Variants in ITIH4 observed in about 807,000 individuals in gnomAD.
ITIH4 encodes inter-alpha-trypsin inhibitor heavy chain 4.
A neutral mutation model predicts 111.8 loss-of-function variants in ITIH4; 79 were observed. The ratio of observed to expected loss-of-function variants is 0.71; its 90% CI spans 0.59 to 0.85. The LOEUF is 0.85. Among genes scored for constraint, ITIH4 ranks in the 40% least tolerant of loss-of-function variants. The probability of loss-of-function intolerance (pLI) is 0.00; values close to 1 mark genes in which losing one functional copy is unlikely to be tolerated. For synonymous variants in ITIH4, 472 were observed against 468.3 expected (o/e 1.01, Z -0.10); for missense variants, 1,065 against 1,195.8 (o/e 0.89, Z 1.61).
intron 17 of ITIH4, 105 bp from the exon 18 acceptor site, chr3:52,818,641 T>A: frequency 1.1e-6 from 1 of 884,720 alleles, no homozygotes; most frequent in South Asian, 1.5e-5. Flanking sequence ...CTGCCACACA[T>A]ACACTCCACC....
In ITIH4 at chr3:52,825,928, GATA is replaced by G. The variant is rs764005424; in HGVS notation, c.714_716del (p.Ile239del). 6.2e-7 allele frequency: 1 copy of G among 1,614,166 alleles called. No individual in the cohort carries two copies. The highest frequency in any genetic ancestry group is 8.5e-7 in the Non-Finnish European group (1 of 1,180,014). ...AGATGGCCCGGTCCACATCATAGCG[GATA>G]ATGAGGTTGCCGTCCAGGACTGTTT... On this transcript the variant is annotated inframe_deletion, in exon 6 of 24. Coordinates refer to ENST00000266041, the MANE Select transcript of ITIH4 (RefSeq NM_002218.5).
chr3:52,814,925 A>T (rs537502239), intron 21 of ITIH4, among the ~76,000 whole-genome samples: 1 of 152,282 alleles, frequency 6.6e-6, no homozygotes, highest in South Asian at 2.1e-4. Context: ...TTAATTTTAT[A>T]TGATTGAAGG....
At chr3:52,827,298 A>T (rs1478977105) in intron 2 of ITIH4, 101 bp from the exon 3 acceptor site, 2 of 899,354 alleles carry the variant, frequency 2.2e-6, no homozygotes, top group African/African-American at 3.3e-5. Context: ...GTGCCTCTTG[A>T]CACAGTGACT....
In ITIH4 at chr3:52,823,909, A is replaced by C; in HGVS notation, c.1267T>G (p.Tyr423Asp). Reference sequence around the variant, plus strand: ...AGTGCCAGCTTCTCCAGGAAGGCATAGCTGACGTCGAAACCGAAGCCCAGG... The same window carrying C: ...AGTGCCAGCTTCTCCAGGAAGGCATCGCTGACGTCGAAACCGAAGCCCAGG... ...FCLGFGFDVS[Y>D]AFLEKLALDN... is the part of the protein sequence containing the mutation. The change falls in exon 10 of 24, where the codon TAT (tyrosine) becomes GAT (aspartate). Residue 423 changes from tyrosine (Y) to aspartate (D), a missense_variant. Coordinates refer to ENST00000266041, the MANE Select transcript of ITIH4 (RefSeq NM_002218.5). 6.2e-7 allele frequency: 1 copy of C among 1,612,638 alleles called. No individual in the cohort carries two copies.
At position 52,826,819 on chromosome 3, in the gene ITIH4, C is replaced by T. The variant is rs377477789; in HGVS notation, c.491G>A (p.Arg164Gln). ...CAGGTGCTTGACCAGCTGCTGGGGC[C>T]GCACTTTCAGCAGCAGCTCGTACAC... ...LGVYELLLKV[R>Q]PQQLVKHLQM... The change falls in exon 4 of 24, where the codon CGG becomes CAG. Residue 164 changes from arginine (R) to glutamine (Q), a missense_variant. Transcript: ENST00000266041. The T allele has an allele frequency of 2.6e-5, 42 of 1,613,682 alleles. No individual in the cohort carries two copies. Among genetic ancestry groups the T allele is most frequent in the East Asian group, 4.5e-5 (2 of 44,888 alleles).
intron 13 of ITIH4, 53 bp downstream of exon 13, chr3:52,820,578 G>C (rs946310707): frequency 1.3e-6 from 2 of 1,555,348 alleles, no homozygotes; most frequent in Non-Finnish European, 1.7e-6. Context: ...CGGGGAGAAC[G>C]CTGGGTCCAA....
At chr3:52,814,625 C>T (rs1700248307) in intron 21 of ITIH4, among the ~76,000 whole-genome samples, 1 of 152,128 alleles carries the variant, frequency 6.6e-6, no homozygotes, top group Admixed American at 6.5e-5. Flanking sequence ...CTCACTCTGT[C>T]CCCCAGGCTG....
chr3:52,818,302 T>C lies in ITIH4; in HGVS notation c.2153-19A>G. 1 of 1,575,336 alleles carries C rather than the reference T, an allele frequency of 6.3e-7. No homozygotes were observed. The highest frequency in any genetic ancestry group is 2.2e-5 in the East Asian group (1 of 44,614). The stretch of plus-strand genomic sequence containing the variant: ...GTTGTTTCTAAAAGAAGAAAAAGTC[T>C]GGGTTTAGGCAGCCCCTTCCTGAGG... On this transcript the variant is annotated intron_variant, in intron 18 of 23. Transcript: ENST00000266041.
chr3:52,824,551 T>C lies in ITIH4; in HGVS notation c.891A>G (p.Leu297=), dbSNP rs1329847288. Reference sequence around the variant, plus strand: ...GGCTGAGGTCATCCAGGATCTTGATTAGGGCTTCCCGGGTCTGGTCAGGGA... The same window carrying C: ...GGCTGAGGTCATCCAGGATCTTGATCAGGGCTTCCCGGGTCTGGTCAGGGA... The part of the protein sequence containing the change: ...GRKIQQTREA[L]IKILDDLSPR... The change falls in exon 8 of 24, where the codon CTA becomes CTG. Residue 297 remains leucine, a synonymous_variant. Transcript: ENST00000266041. This position sits in a 1 kb window ranked among gnomAD's most constrained non-coding sequence, Gnocchi z 4.3. 6.2e-7 allele frequency: 1 copy of C among 1,612,658 alleles called. No homozygotes were observed. The highest frequency in any genetic ancestry group is 8.5e-7 in the Non-Finnish European group (1 of 1,179,720).
chr3:52,820,377 A>G, intron 13 of ITIH4, 60 bp from the exon 14 acceptor site: 1 of 1,573,614 alleles, frequency 6.4e-7, no homozygotes, highest in Admixed American at 1.7e-5. Context: ...AGACACCGTC[A>G]GGGTGGTTTT....
chr3:52,826,136 A>G, intron 5 of ITIH4, 122 bp from the exon 6 acceptor site: 1 of 1,375,266 alleles, frequency 7.3e-7, no homozygotes, highest in African/African-American at 1.4e-5. Context: ...TCCGTATTCC[A>G]GGGCACTTTC....
intron 6 of ITIH4, chr3:52,825,263 G>A (rs937497373): frequency 5.1e-6 from 1 of 197,816 alleles, no homozygotes; most frequent in Admixed American, 6.0e-5. Flanking sequence ...ACCATCAAAA[G>A]AGGGAAGACT....
At position 52,824,574 on chromosome 3, in the gene ITIH4, G is replaced by A; in HGVS notation, c.877-9C>T. 6.2e-7 allele frequency: 1 copy of A among 1,605,936 alleles called. No individual in the cohort carries two copies. The highest frequency in any genetic ancestry group is 2.2e-5 in the East Asian group (1 of 44,762). ...ATTAGGGCTTCCCGGGTCTGGTCAG[G>A]GAGAGGAAACATAGGTGCTTCAGAA... On this transcript the variant is annotated splice_polypyrimidine_tract_variant and intron_variant, in intron 7 of 23. Coordinates refer to ENST00000266041, the MANE Select transcript of ITIH4 (RefSeq NM_002218.5). The surrounding 1 kb of genome is among the most constrained non-coding windows in gnomAD (Gnocchi z 4.3).
intron 21 of ITIH4, among the ~76,000 whole-genome samples, 162 bp from the exon 22 acceptor site, chr3:52,814,525 T>A (rs1344315826): frequency 2.0e-5 from 3 of 152,194 alleles, no homozygotes; most frequent in Non-Finnish European, 2.9e-5. Flanking sequence ...GTTTCCTCAT[T>A]GGTAAAATAG....
rs1196556690 is a variant in ITIH4 at position 52,818,851 on chromosome 3, G to A, written c.2078-315C>T. The A allele has an allele frequency of 1.2e-5, 5 of 402,498 alleles. No homozygotes were observed. In the East Asian group the frequency reaches 2.5e-4, roughly 20 times the overall value. 24.9% of individuals were successfully genotyped at this position (402,498 alleles called of 1,614,324 possible). A position where few individuals can be genotyped will look rare whatever the true frequency, so the allele number is the denominator to read the frequency against. On this transcript the variant is annotated intron_variant, in intron 17 of 23. Transcript: ENST00000266041. ...ATGAGTCAGCCTCTAGAGTATAGTG[G>A]ATCCTACTCAGTGAAAGTAAAGGAC...
intron 2 of ITIH4, among the ~76,000 whole-genome samples, 189 bp downstream of exon 2, chr3:52,828,930 G>T (rs1004119277): frequency 6.6e-6 from 1 of 152,190 alleles, no homozygotes; most frequent in Non-Finnish European, 1.5e-5. Context: ...TGGAGGGAAG[G>T]ACGGGGGCAT....
At position 52,824,461 on chromosome 3, in the gene ITIH4, C is replaced by G; in HGVS notation, c.981G>C (p.Val327=). 1 of 1,614,208 alleles carries G rather than the reference C, an allele frequency of 6.2e-7. No homozygotes were observed. The highest frequency in any genetic ancestry group is 8.5e-7 in the Non-Finnish European group (1 of 1,180,030). ...TGTTCACGTTCTCGGCTGAGGCTGG[C>G]ACCAGTGATGGCCTCCACTGAGTTG... ...TEATQWRPSL[V]PASAENVNKA... is the part of the protein sequence containing the mutation. Residue 327 remains valine (V), a synonymous_variant, in exon 8 of 24, where the codon GTG becomes GTC. Coordinates refer to ENST00000266041, the MANE Select transcript of ITIH4 (RefSeq NM_002218.5). The surrounding 1 kb of genome is among the most constrained non-coding windows in gnomAD (Gnocchi z 4.3).
intron 17 of ITIH4, 74 bp downstream of exon 17, chr3:52,819,319 A>G: frequency 6.3e-7 from 1 of 1,577,054 alleles, no homozygotes; most frequent in Admixed American, 1.7e-5. Context: ...GCTTTACCCC[A>G]CCCCCCTCTA....
chr3:52,826,566 A>G lies in ITIH4; in HGVS notation c.605T>C (p.Leu202Pro). 2 of 1,613,960 alleles carry G rather than the reference A, an allele frequency of 1.2e-6. No homozygotes were observed. Among genetic ancestry groups the G allele is most frequent in the Non-Finnish European group, 8.5e-7 (1 of 1,179,908 alleles). The change falls in exon 5 of 24, where the codon CTC becomes CCC. Residue 202 changes from leucine (L) to proline (P), a missense_variant. Leu to Pro is a moderately conservative substitution (Grantham distance 98, BLOSUM62 -3). Coordinates refer to ENST00000266041, the MANE Select transcript of ITIH4 (RefSeq NM_002218.5). ...CTTGGTCTTATTCTGCCAGGTGGTG[A>G]GGGCGTCTACCAGCTGGTTGGTCAT... ...TFMTNQLVDA[L>P]TTWQNKTKAH...
Sources: allele counts gnomAD v4.1 joint callset (sites outside exome capture counted in the v4.1 genomes callset), GRCh38; gene constraint gnomAD v4.1.1; non-coding constraint Gnocchi (gnomAD v3.1); transcripts MANE v1.5; gene names NCBI Gene and HGNC (gene_info 2026-07-23, HGNC 2026-07-21).